The following PNLIPRP1 variants were observed in gnomAD, a reference collection of about 807,000 sequenced individuals.
PNLIPRP1 encodes inactive pancreatic lipase-related protein 1.
A neutral mutation model predicts 54.6 loss-of-function variants in PNLIPRP1; 57 were observed. That is an observed-to-expected ratio of 1.04 (90% CI 0.84 to 1.30). The LOEUF is 1.30. Ranked by LOEUF, PNLIPRP1 falls within the 50% of genes most tolerant of loss-of-function variation. The pLI, the probability that PNLIPRP1 is intolerant of heterozygous loss-of-function variation, is 0.00. For synonymous variants in PNLIPRP1, 232 were observed against 208.8 expected, an observed-to-expected ratio of 1.11 and a Z score of -0.96; for missense variants, 567 against 568.5, an observed-to-expected ratio of 1.00 and a Z score of 0.03.
intron 10 of PNLIPRP1, among the ~76,000 whole-genome samples, chr10:116,601,536 C>A (rs574072110): frequency 6.6e-6 from 1 of 152,178 alleles, no homozygotes; most frequent in Non-Finnish European, 1.5e-5. Context: ...ATCAGACACA[C>A]CTGTTCTCTT....
At chr10:116,593,167 CA>C (rs57951858) in intron 4 of PNLIPRP1, 9,895 of 78,982 alleles carry the variant, frequency 0.13, 916 homozygotes, top group African/African-American at 0.33. Flanking sequence ...GACTCCATCT[CA>C]AAAAAAAAAA....
chr10:116,591,406 A>G (rs1161516672), intron 2 of PNLIPRP1, among the ~76,000 whole-genome samples: 1 of 152,174 alleles, frequency 6.6e-6, no homozygotes, highest in Non-Finnish European at 1.5e-5. Flanking sequence ...AAGGCCAGAC[A>G]TTTCTAGGTA....
At chr10:116,601,711 C>G (rs1446590446) in intron 10 of PNLIPRP1, among the ~76,000 whole-genome samples, 1 of 152,166 alleles carries the variant, frequency 6.6e-6, no homozygotes, top group Non-Finnish European at 1.5e-5. Context: ...GATTTCTCTC[C>G]AAAACCTGCT....
At position 116,601,216 on chromosome 10, in the gene PNLIPRP1, G is replaced by A. The variant is rs1554864735; in HGVS notation, c.1063+15G>A. ...CAATTTCGCTCGTAAGTTGCACTTT[G>A]ACTACCTGCCCATGTAAAGAAAGTA... On this transcript the variant is annotated intron_variant, in intron 10 of 12. Transcript: ENST00000358834. 4 of 1,609,044 alleles carry A rather than the reference G, an allele frequency of 2.5e-6. No individual in the cohort carries two copies. Among genetic ancestry groups the A allele is most frequent in the Non-Finnish European group, 3.4e-6 (4 of 1,177,788 alleles).
chr10:116,605,320 C>A, intron 11 of PNLIPRP1, 66 bp from the exon 12 acceptor site: 3 of 823,894 alleles, frequency 3.6e-6, no homozygotes, highest in Non-Finnish European at 3.7e-6. Flanking sequence ...AAACAGCAGC[C>A]TGGCATTGTA....
At position 116,601,691 on chromosome 10, in the gene PNLIPRP1, G is replaced by A. The variant is rs910224125; in HGVS notation, c.1063+490G>A. ...CTGGTGGAGTGCAGGCAGGAATCAG[G>A]GGGAAGGATGATTTCTCTCCAAAAC... On this transcript the variant is annotated intron_variant, in intron 10 of 12. Coordinates refer to ENST00000358834, the MANE Select transcript of PNLIPRP1 (RefSeq NM_006229.4). Among the ~76,000 whole-genome samples, 40 of 152,134 alleles carry A rather than the reference G, an allele frequency of 2.6e-4. 1 individual carries two copies. Among genetic ancestry groups the A allele is most frequent in the Admixed American group, 1.2e-3 (18 of 15,284 alleles).
intron 12 of PNLIPRP1, among the ~76,000 whole-genome samples, chr10:116,608,271 G>A (rs1303498535): frequency 6.6e-6 from 1 of 152,186 alleles, no homozygotes; most frequent in Non-Finnish European, 1.5e-5. Context: ...TCTGAGAAAA[G>A]CTTGGACCAA....
chr10:116,592,299 A>C, intron 3 of PNLIPRP1, 117 bp from the exon 4 acceptor site: 2 of 1,169,012 alleles, frequency 1.7e-6, no homozygotes, highest in Non-Finnish European at 2.4e-6. Context: ...TCATGGAAGA[A>C]GTGGCTTTTT....
chr10:116,599,932 C>G, intron 8 of PNLIPRP1, 115 bp from the exon 9 acceptor site: 1 of 714,418 alleles, frequency 1.4e-6, no homozygotes. Flanking sequence ...TTGGATTTAT[C>G]TTAAGTTTCT....
chr10:116,607,990 G>C (rs1445195927), intron 12 of PNLIPRP1, among the ~76,000 whole-genome samples: 1 of 152,048 alleles, frequency 6.6e-6, no homozygotes, highest in Non-Finnish European at 1.5e-5. Flanking sequence ...CAAGTAGCTG[G>C]GATTACAGGC....
chr10:116,594,813 C>T lies in PNLIPRP1; in HGVS notation c.414C>T (p.Asn138=). ...GSQATYTQAA[N]NVRVVGAQVA... is the part of the protein sequence containing the mutation. ...AAGCCACCTACACACAGGCTGCCAA[C>T]AACGTGCGAGTGGTGGGCGCCCAGG... Residue 138 remains asparagine, a synonymous_variant, in exon 5 of 13, where the codon AAC becomes AAT. Transcript: ENST00000358834. The T allele has an allele frequency of 6.2e-7, 1 of 1,614,160 alleles. No individual in the cohort carries two copies. The highest frequency in any genetic ancestry group is 8.5e-7 in the Non-Finnish European group (1 of 1,180,038).
intron 12 of PNLIPRP1, among the ~76,000 whole-genome samples, chr10:116,605,849 G>C (rs1436512902): frequency 1.3e-5 from 2 of 152,208 alleles, no homozygotes; most frequent in African/African-American, 4.8e-5. Flanking sequence ...AAGGGTACAA[G>C]TTTATAAGTA....
chr10:116,602,606 G>C (rs1369329835), intron 10 of PNLIPRP1, among the ~76,000 whole-genome samples: 1 of 152,176 alleles, frequency 6.6e-6, no homozygotes, highest in Non-Finnish European at 1.5e-5. Flanking sequence ...TGACATTATG[G>C]GACAGAGAAC....
chr10:116,595,062 G>C (rs933505367), intron 5 of PNLIPRP1, 198 bp downstream of exon 5: 2 of 597,790 alleles, frequency 3.3e-6, no homozygotes, highest in African/African-American at 3.7e-5. Flanking sequence ...CTTAGAAAGT[G>C]GTTTTTTAAA....
chr10:116,592,050 C>A (rs1265123777), intron 3 of PNLIPRP1, 125 bp downstream of exon 3: 5 of 1,008,850 alleles, frequency 5.0e-6, no homozygotes, highest in East Asian at 2.4e-5. Flanking sequence ...CTCAAGCTGC[C>A]CCCCAGACCT....
At chr10:116,591,612 G>A (rs782166340) in intron 2 of PNLIPRP1, among the ~76,000 whole-genome samples, 159 bp from the exon 3 acceptor site, 8 of 152,134 alleles carry the variant, frequency 5.3e-5, no homozygotes, top group Non-Finnish European at 8.8e-5. Flanking sequence ...GTAGTAGGTG[G>A]GCACTGGGGT....
chr10:116,604,503 A>T (rs1847902603), intron 11 of PNLIPRP1, among the ~76,000 whole-genome samples: 1 of 152,134 alleles, frequency 6.6e-6, no homozygotes, highest in Non-Finnish European at 1.5e-5. Flanking sequence ...CGTTTGTGTG[A>T]GTACATGCTA....
intron 11 of PNLIPRP1, among the ~76,000 whole-genome samples, chr10:116,604,751 C>T (rs1170218973): frequency 2.8e-5 from 4 of 143,020 alleles, no homozygotes; most frequent in Non-Finnish European, 4.5e-5. Flanking sequence ...TGCAGTGGCA[C>T]GATCTTGGCT....
intron 4 of PNLIPRP1, chr10:116,594,330 G>T (rs781897962): frequency 1.9e-6 from 1 of 516,958 alleles, no homozygotes; most frequent in East Asian, 5.4e-5. Context: ...CTGGGGCATC[G>T]CCAAGAGCCT....
Sources: gnomAD v4.1 joint callset for allele counts (sites outside exome capture counted in the v4.1 genomes callset) on GRCh38, gnomAD v4.1.1 for gene constraint, MANE v1.5 for transcripts, NCBI Gene and HGNC (gene_info 2026-07-23, HGNC 2026-07-21) for gene names.